Variants in MDGA2 observed in about 807,000 individuals in gnomAD.
The protein encoded by MDGA2 is MAM domain containing glycosylphosphatidylinositol anchor 2.
Under a neutral mutation model 117.8 loss-of-function variants are expected in MDGA2, and 40 were observed. The observed-to-expected ratio is 0.34, with a 90% CI of 0.26 to 0.44. The LOEUF is 0.44. Ranked by LOEUF, MDGA2 falls within the 20% of genes least tolerant of loss-of-function variation. MDGA2 has a pLI of 1.00. For synonymous variants in MDGA2, 452 were observed against 439.0 expected, an observed-to-expected ratio of 1.03 and a Z score of -0.37; for missense variants, 1,123 against 1,250.6, an observed-to-expected ratio of 0.90 and a Z score of 1.54.
intron 5 of MDGA2, among the ~76,000 whole-genome samples, chr14:47,113,802 A>G (rs1881175639): frequency 6.6e-6 from 1 of 152,188 alleles, no homozygotes; most frequent in Non-Finnish European, 1.5e-5. Context: ...CCAATATCAT[A>G]CTGAATGGGC....
chr14:47,588,711 C>T (rs1406639456), intron 1 of MDGA2, among the ~76,000 whole-genome samples: 1 of 151,854 alleles, frequency 6.6e-6, no homozygotes, highest in Non-Finnish European at 1.5e-5. Flanking sequence ...TCCTTTGAAG[C>T]ACAAATGGTT....
chr14:47,263,526 A>G (rs749760174), intron 2 of MDGA2, among the ~76,000 whole-genome samples: 11 of 152,116 alleles, frequency 7.2e-5, no homozygotes, highest in Non-Finnish European at 1.6e-4. Context: ...GTCCTCATTA[A>G]AAAACTGTTA....
chr14:47,612,065 C>T (rs142557398), intron 1 of MDGA2, among the ~76,000 whole-genome samples: 219 of 152,190 alleles, frequency 1.4e-3, no homozygotes, highest in African/African-American at 3.4e-3. Context: ...GAAGAAACTC[C>T]GGCTATCTTA....
chr14:46,941,808 A>T (rs1190103279), intron 9 of MDGA2, among the ~76,000 whole-genome samples: 2 of 152,142 alleles, frequency 1.3e-5, no homozygotes, highest in Admixed American at 1.3e-4. Flanking sequence ...CTCTCAGAGG[A>T]AACTGTTTGA....
intron 8 of MDGA2, among the ~76,000 whole-genome samples, chr14:47,027,003 C>A (rs1315176810): frequency 6.6e-6 from 1 of 151,616 alleles, no homozygotes; most frequent in East Asian, 1.9e-4. Context: ...AAGACTCTGT[C>A]TCTTAAAAAA....
At chr14:47,487,178 G>A (rs1483103374) in intron 1 of MDGA2, among the ~76,000 whole-genome samples, 2 of 152,128 alleles carry the variant, frequency 1.3e-5, no homozygotes, top group Non-Finnish European at 2.9e-5. Flanking sequence ...AAGGGACATA[G>A]GTATTTTATG....
At chr14:46,919,899 C>T (rs1371189939) in intron 10 of MDGA2, 113 bp downstream of exon 10, 3 of 894,394 alleles carry the variant, frequency 3.4e-6, no homozygotes, top group Non-Finnish European at 4.8e-6. Context: ...TATACAGAAA[C>T]ACATATACAT....
chr14:47,585,541 C>T lies in MDGA2; in HGVS notation c.280+88976G>A, dbSNP rs190923026. ...TAAGAAAGTATGGCGTACGGTAATGCGCAGGAAAGAGAGATATTGACAGTT... is the reference window on the plus strand; with the variant it reads ...TAAGAAAGTATGGCGTACGGTAATGTGCAGGAAAGAGAGATATTGACAGTT... On this transcript the variant is annotated intron_variant, in intron 1 of 16. Coordinates refer to ENST00000399232, the MANE Select transcript of MDGA2 (RefSeq NM_001113498.3). Among the ~76,000 whole-genome samples, 22 of 151,804 alleles carry T rather than the reference C, an allele frequency of 1.4e-4. No individual in the cohort carries two copies. The East Asian group carries it at 4.1e-3, about 28-fold the overall frequency.
chr14:47,200,992 C>T, intron 3 of MDGA2: 2 of 841,004 alleles, frequency 2.4e-6, no homozygotes, highest in South Asian at 2.6e-5. Flanking sequence ...GATGCCTTCG[C>T]AGCATACGAC....
At chr14:47,102,193 C>T (rs1473858973) in intron 5 of MDGA2, among the ~76,000 whole-genome samples, 3 of 152,056 alleles carry the variant, frequency 2.0e-5, no homozygotes, top group Non-Finnish European at 4.4e-5. Flanking sequence ...ACCCAGCTTT[C>T]CATCCAGACT....
chr14:47,385,330 T>G (rs1891732467), intron 1 of MDGA2, among the ~76,000 whole-genome samples: 1 of 151,988 alleles, frequency 6.6e-6, no homozygotes, highest in Admixed American at 6.6e-5. Context: ...ATTCATTCCC[T>G]TAGGTACAGT....
chr14:47,058,892 T>C (rs1889778135), intron 7 of MDGA2: 1 of 983,184 alleles, frequency 1.0e-6, no homozygotes, highest in African/African-American at 1.8e-5. Flanking sequence ...AGCCCCAAAT[T>C]TGCTTTAATG....
chr14:47,440,285 CT>C (rs1351640220), intron 1 of MDGA2, among the ~76,000 whole-genome samples: 1 of 152,108 alleles, frequency 6.6e-6, no homozygotes, highest in Non-Finnish European at 1.5e-5. Context: ...TATCTGGCCC[CT>C]GATCTGACAT....
intron 1 of MDGA2, among the ~76,000 whole-genome samples, chr14:47,389,399 C>A (rs926654518): frequency 5.9e-5 from 9 of 152,036 alleles, no homozygotes; most frequent in Non-Finnish European, 1.0e-4. Flanking sequence ...ATATATTGTG[C>A]GTGTTTCTTA....
intron 7 of MDGA2, among the ~76,000 whole-genome samples, chr14:47,055,000 TTC>T (rs1299215900): frequency 1.5e-4 from 11 of 72,872 alleles, no homozygotes; most frequent in Non-Finnish European, 2.0e-4. Flanking sequence ...TTTTTTTCTT[TTC>T]TTTTTTTTTT....
chr14:47,659,195 C>T (rs1897800425), intron 1 of MDGA2, among the ~76,000 whole-genome samples: 2 of 152,172 alleles, frequency 1.3e-5, no homozygotes, highest in African/African-American at 4.8e-5. Flanking sequence ...ACATCTGCTC[C>T]TACCCATGCA....
At chr14:47,005,664 T>C (rs138199301) in intron 8 of MDGA2, among the ~76,000 whole-genome samples, 91 of 151,606 alleles carry the variant, frequency 6.0e-4, no homozygotes, top group African/African-American at 2.0e-3. Flanking sequence ...CACTTTGGTT[T>C]TCTGAAAAAA....
chr14:47,111,836 T>C (rs566922425), intron 5 of MDGA2, among the ~76,000 whole-genome samples: 140 of 152,230 alleles, frequency 9.2e-4, no homozygotes, highest in African/African-American at 3.3e-3. Flanking sequence ...CTATCTTCCA[T>C]ATGTTTCAAC....
chr14:47,472,288 T>C (rs912440167), intron 1 of MDGA2, among the ~76,000 whole-genome samples: 71 of 152,288 alleles, frequency 4.7e-4, no homozygotes, highest in African/African-American at 1.5e-3. Flanking sequence ...AATTCTGTCA[T>C]TGTGCAAACA....
Sources: gnomAD v4.1 joint callset for allele counts (sites outside exome capture counted in the v4.1 genomes callset) on GRCh38, gnomAD v4.1.1 for gene constraint, MANE v1.5 for transcripts, NCBI Gene and HGNC (gene_info 2026-07-23, HGNC 2026-07-21) for gene names.